Variants in FNBP1 observed in about 807,000 individuals in gnomAD.
The protein encoded by FNBP1 is formin-binding protein 1.
A neutral mutation model predicts 90.6 loss-of-function variants in FNBP1; 26 were observed. The ratio of observed to expected loss-of-function variants is 0.29; its 90% CI spans 0.21 to 0.40. The LOEUF (loss-of-function observed/expected upper bound fraction) is 0.40, where lower values mean the gene tolerates loss of function less well. Among genes scored for constraint, FNBP1 ranks in the 10% least tolerant of loss-of-function variants. FNBP1 has a pLI of 1.00. For synonymous variants in FNBP1, 260 were observed against 265.2 expected (o/e 0.98, Z 0.19); for missense variants, 635 against 768.0 (o/e 0.83, Z 2.05).
At chr9:129,929,434 A>G (rs2042394950) in intron 7 of FNBP1, 133 bp downstream of exon 7, 2 of 724,486 alleles carry the variant, frequency 2.8e-6, no homozygotes, top group Non-Finnish European at 4.3e-6. Context: ...AAAAAAAAAA[A>G]ATTAGTGGAA....
At chr9:129,899,371 C>G (rs1290036143) in intron 15 of FNBP1, among the ~76,000 whole-genome samples, 2 of 151,916 alleles carry the variant, frequency 1.3e-5, no homozygotes, top group African/African-American at 4.8e-5. Flanking sequence ...AGCCACCATG[C>G]CCGGCCAGAT....
intron 1 of FNBP1, chr9:130,014,036 C>T (rs991340812): frequency 8.8e-6 from 4 of 456,546 alleles, no homozygotes; most frequent in Admixed American, 7.1e-5. Flanking sequence ...ACCTGTCCAT[C>T]TGATTCTACT....
At chr9:129,924,677 T>C (rs1239997412) in intron 9 of FNBP1, among the ~76,000 whole-genome samples, 2 of 151,982 alleles carry the variant, frequency 1.3e-5, no homozygotes, top group African/African-American at 4.8e-5. Flanking sequence ...ACCAGCAGTC[T>C]AGGAGAGGAA....
intron 1 of FNBP1, among the ~76,000 whole-genome samples, chr9:129,998,679 C>A (rs1272138913): frequency 6.6e-6 from 1 of 152,152 alleles, no homozygotes; most frequent in Non-Finnish European, 1.5e-5. Flanking sequence ...GATTTCCCCC[C>A]ACCATATCAC....
intron 2 of FNBP1, among the ~76,000 whole-genome samples, chr9:129,985,566 A>G (rs1342236528): frequency 6.6e-6 from 1 of 152,198 alleles, no homozygotes; most frequent in Non-Finnish European, 1.5e-5. Flanking sequence ...CTGTAATCTC[A>G]GCAGTTTGGG....
At chr9:129,985,360 A>AATG (rs1265093724) in intron 2 of FNBP1, among the ~76,000 whole-genome samples, 8 of 152,016 alleles carry the variant, frequency 5.3e-5, no homozygotes, top group African/African-American at 9.7e-5. Context: ...ATAAGGTGAG[A>AATG]ATGATGATGA....
chr9:130,012,784 C>T (rs535806810), intron 1 of FNBP1, among the ~76,000 whole-genome samples: 7 of 152,140 alleles, frequency 4.6e-5, no homozygotes, highest in Non-Finnish European at 7.4e-5. Context: ...AGAATACAGG[C>T]GCGTGCCACC....
chr9:130,006,936 A>G (rs1043285309), intron 1 of FNBP1, among the ~76,000 whole-genome samples: 3 of 152,114 alleles, frequency 2.0e-5, no homozygotes, highest in African/African-American at 7.2e-5. Flanking sequence ...GAAGTTAGTG[A>G]TATAAAGAAT....
intron 12 of FNBP1, among the ~76,000 whole-genome samples, chr9:129,905,909 GTTT>G (rs1258133083): frequency 6.7e-6 from 1 of 148,296 alleles, no homozygotes; most frequent in Non-Finnish European, 1.5e-5. Context: ...TTGAGACTGA[GTTT>G]TGCTCTTGTT....
chr9:129,951,820 C>T (rs10988554), intron 6 of FNBP1, among the ~76,000 whole-genome samples: 135,371 of 152,160 alleles, frequency 0.89, 60,337 homozygotes, highest in Admixed American at 0.9. Flanking sequence ...CAGTTTTACA[C>T]AGCATCTTCA....
chr9:129,900,135 G>A lies in FNBP1; in HGVS notation c.1551-34C>T. ...GAAAGGAAAACACAAAGCAACTAAA[G>A]CGACTGACCCCAGGGAGGACTCAGA... On this transcript the variant is annotated intron_variant, in intron 14 of 16. Transcript: ENST00000446176. This position sits in a 1 kb window ranked among gnomAD's most constrained non-coding sequence, Gnocchi z 4.1. 6.4e-7 allele frequency: 1 copy of A among 1,565,396 alleles called. No individual in the cohort carries two copies. Among genetic ancestry groups the A allele is most frequent in the Non-Finnish European group, 8.7e-7 (1 of 1,155,724 alleles).
At chr9:130,038,961 C>T (rs887930291) in intron 1 of FNBP1, among the ~76,000 whole-genome samples, 1 of 152,102 alleles carries the variant, frequency 6.6e-6, no homozygotes, top group Admixed American at 6.5e-5. Context: ...ACTAACACTT[C>T]AGTAACCTGT....
rs1554821703 is a variant in FNBP1, at chr9:129,965,708, G to GCGCACACA, written c.346-7156_346-7155insTGTGTGCG. Among the ~76,000 whole-genome samples the GCGCACACA allele has an allele frequency of 6.2e-5, 9 of 145,560 alleles. No individual in the cohort carries two copies. The South Asian group carries it at 6.6e-4, about 11-fold the overall frequency. On this transcript the variant is annotated intron_variant, in intron 4 of 16. Transcript: ENST00000446176. ...AACACACACACACACGCGCGCGCGCGCACACACACACACACATAGAAAGAA... is the reference window on the plus strand; with the variant it reads ...AACACACACACACACGCGCGCGCGCGCGCACACACACACACACACACACATAGAAAGAA...
chr9:129,962,315 G>A (rs1025494423), intron 4 of FNBP1, among the ~76,000 whole-genome samples: 1 of 152,210 alleles, frequency 6.6e-6, no homozygotes, highest in Non-Finnish European at 1.5e-5. Flanking sequence ...TATCCGCCAC[G>A]TTGTAAATGC....
At position 129,909,128 on chromosome 9, in the gene FNBP1, T is replaced by C. The variant is rs972126871; in HGVS notation, c.1186-129A>G. 9.6e-6 allele frequency: 7 copies of C among 725,474 alleles called. No homozygotes were observed. The African/African-American group carries it at 1.2e-4, about 13-fold the overall frequency. The allele number at this position is 725,474 out of a possible 1,614,324, so 44.9% of individuals were successfully genotyped here. Reference sequence around the variant, plus strand: ...TGGCTTCATGAAATAGATTAAGCTCTTTCCCACTACACCCAGCCGAGATGC... The same window carrying C: ...TGGCTTCATGAAATAGATTAAGCTCCTTCCCACTACACCCAGCCGAGATGC... On this transcript the variant is annotated intron_variant, in intron 11 of 16. Transcript: ENST00000446176.
intron 10 of FNBP1, chr9:129,919,240 A>G: frequency 7.7e-7 from 1 of 1,293,964 alleles, no homozygotes; most frequent in Non-Finnish European, 1.0e-6. Context: ...AGAAAGACTG[A>G]GTCTGCCAAT....
chr9:129,994,342 T>G (rs2053663841), intron 2 of FNBP1, among the ~76,000 whole-genome samples: 1 of 152,192 alleles, frequency 6.6e-6, no homozygotes. Context: ...TACACTCATG[T>G]AAAGTTCAAA....
In FNBP1 at chr9:129,967,495, CAG is replaced by C. The variant is rs759632641; in HGVS notation, c.346-8944_346-8943del. On this transcript the variant is annotated intron_variant, in intron 4 of 16. Coordinates refer to ENST00000446176, the MANE Select transcript of FNBP1 (RefSeq NM_015033.3). ...GCGCCACTGCACTCCAGACTGGTGA[CAG>C]AGTGAGACTCCGTCTCAGAAAAAAA... 2.0e-5 allele frequency among the ~76,000 whole-genome samples: 3 copies of C among 152,124 alleles called. No individual in the cohort carries two copies. The East Asian group carries it at 5.8e-4, about 29-fold the overall frequency.
At chr9:130,015,858 A>G (rs1207181637) in intron 1 of FNBP1, among the ~76,000 whole-genome samples, 2 of 152,232 alleles carry the variant, frequency 1.3e-5, no homozygotes, top group African/African-American at 4.8e-5. Context: ...TATCTTTTGT[A>G]GAGATGGGGT....
Sources: gnomAD v4.1 joint callset for allele counts (sites outside exome capture counted in the v4.1 genomes callset) on GRCh38, gnomAD v4.1.1 for gene constraint, Gnocchi (gnomAD v3.1) non-coding constraint, MANE v1.5 for transcripts, NCBI Gene and HGNC (gene_info 2026-07-23, HGNC 2026-07-21) for gene names.